NBAS: variants seen among roughly 807,000 people sequenced by gnomAD.
The protein encoded by NBAS is NAG/BC035112 fusion.
NBAS carries 219 observed loss-of-function variants against 302.5 expected under a neutral mutation model. That is an observed-to-expected ratio of 0.72 (90% confidence interval 0.65 to 0.81). The LOEUF (loss-of-function observed/expected upper bound fraction) is 0.81. Ranked by LOEUF, NBAS falls within the 30% of genes least tolerant of loss-of-function variation. NBAS has a pLI of 0.00. For synonymous variants in NBAS, 1,118 were observed against 1,021.6 expected (o/e 1.09, Z -1.80); for missense variants, 2,932 against 2,841.6 (o/e 1.03, Z -0.72).
At chr2:15,166,450 A>G (rs996428152), downstream of NBAS, among the ~76,000 whole-genome samples, 6 of 152,208 alleles carry the variant, frequency 3.9e-5, no homozygotes, top group Non-Finnish European at 8.8e-5. Context: ...CTGTGACACT[A>G]GTGAGTGGGA....
In NBAS at chr2:15,292,656, A is replaced by C. The variant is rs765027242; in HGVS notation, c.4908T>G (p.Asn1636Lys). ...CCTGAGTGAAATCCAGGAGACGTTC[A>C]TTGTAGCAGTGTAACTGCTTGGTCA... ...ISLTKQLHCY[N>K]ERLLDFTQAQ... Residue 1636 changes from asparagine (N) to lysine (K), a missense_variant, in exon 41 of 52, where the codon AAT (asparagine) becomes AAG (lysine). Coordinates refer to ENST00000281513, the MANE Select transcript of NBAS (RefSeq NM_015909.4). The C allele has an allele frequency of 1.9e-6, 3 of 1,614,232 alleles. No individual in the cohort carries two copies. The highest frequency in any genetic ancestry group is 2.5e-6 in the Non-Finnish European group (3 of 1,180,038).
intron 9 of NBAS, among the ~76,000 whole-genome samples, chr2:15,519,639 C>A (rs548796754): frequency 6.6e-6 from 1 of 152,162 alleles, no homozygotes; most frequent in East Asian, 1.9e-4. Context: ...AGACAGGGAT[C>A]TCCCTATGTA....
intron 12 of NBAS, among the ~76,000 whole-genome samples, chr2:15,479,073 CAT>C (rs550419676): frequency 2.2e-4 from 33 of 152,268 alleles, no homozygotes; most frequent in South Asian, 1.7e-3. Flanking sequence ...AAAATACACA[CAT>C]GTTTACTATC....
At chr2:15,122,930 C>G in the NBAS span, among the ~76,000 whole-genome samples, 1 of 149,102 alleles carries the variant, frequency 6.7e-6, no homozygotes, top group Non-Finnish European at 1.5e-5. Context: ...GCACTACATC[C>G]TAATGTGGTG....
chr2:14,877,356 G>A, the NBAS span, among the ~76,000 whole-genome samples: 1 of 152,154 alleles, frequency 6.6e-6, no homozygotes, highest in African/African-American at 2.4e-5. Context: ...ATCTAGTTCA[G>A]TATGTTTTCT....
chr2:14,824,020 G>A, the NBAS span, among the ~76,000 whole-genome samples: 1 of 152,194 alleles, frequency 6.6e-6, no homozygotes, highest in Admixed American at 6.5e-5. Context: ...GTGTCGAGAA[G>A]GGCAGGAGAA....
At chr2:15,018,497 T>G in the NBAS span, among the ~76,000 whole-genome samples, 1 of 152,038 alleles carries the variant, frequency 6.6e-6, no homozygotes, top group African/African-American at 2.4e-5. Flanking sequence ...TCCTAAACTT[T>G]ACTCAAATGG....
chr2:15,524,150 G>C (rs1315292503), intron 9 of NBAS, among the ~76,000 whole-genome samples: 1 of 152,144 alleles, frequency 6.6e-6, no homozygotes, highest in Non-Finnish European at 1.5e-5. Flanking sequence ...ACTACTCTCT[G>C]TGACACCACA....
Position 15,511,322 on chromosome 2 carries a change from C to T in NBAS, c.775G>A (p.Ala259Thr). The stretch of plus-strand genomic sequence containing the variant: ...GAAGCTTTTGACATGCCTACTTCAG[C>T]AGTTTCACATCCACCAACAAGTAAA... ...RLLLVGGCET[A>T]EVGMSKASSC... Residue 259 changes from alanine to threonine, a missense_variant, in exon 10 of 52, where the codon GCT (alanine) becomes ACT (threonine). By Grantham distance (58) the Ala-to-Thr change is moderately conservative. Coordinates refer to ENST00000281513, the MANE Select transcript of NBAS (RefSeq NM_015909.4). 1.2e-6 allele frequency: 2 copies of T among 1,614,042 alleles called. No homozygotes were observed. Among genetic ancestry groups the T allele is most frequent in the Non-Finnish European group, 1.7e-6 (2 of 1,179,962 alleles).
At chr2:15,443,950 T>C (rs1157969559) in intron 21 of NBAS, among the ~76,000 whole-genome samples, 2 of 151,812 alleles carry the variant, frequency 1.3e-5, no homozygotes, top group African/African-American at 2.4e-5. Context: ...TTACAAGGGA[T>C]GTGAAGGACC....
chr2:15,554,201 A>G, intron 3 of NBAS, 63 bp from the exon 4 acceptor site: 1 of 1,244,130 alleles, frequency 8.0e-7, no homozygotes, highest in Non-Finnish European at 1.2e-6. Flanking sequence ...TATGCAGACA[A>G]ATAGCACATA....
intron 47 of NBAS, among the ~76,000 whole-genome samples, chr2:15,219,201 A>G (rs1369122713): frequency 2.0e-5 from 3 of 152,230 alleles, no homozygotes; most frequent in Admixed American, 2.0e-4. Flanking sequence ...AATGAGTTAT[A>G]TAAAGCAGAT....
At chr2:15,220,415 G>A (rs1224077731) in intron 47 of NBAS, among the ~76,000 whole-genome samples, 3 of 152,210 alleles carry the variant, frequency 2.0e-5, no homozygotes, top group African/African-American at 4.8e-5. Context: ...TAATAGTGCT[G>A]TAGGACCCCA....
chr2:15,129,732 A>G, the NBAS span, among the ~76,000 whole-genome samples: 1 of 152,072 alleles, frequency 6.6e-6, no homozygotes, highest in Non-Finnish European at 1.5e-5. Flanking sequence ...GGTACATTTC[A>G]CCAGCAAAAC....
chr2:15,272,962 C>G (rs893050957), intron 44 of NBAS, among the ~76,000 whole-genome samples: 1 of 152,140 alleles, frequency 6.6e-6, no homozygotes, highest in Non-Finnish European at 1.5e-5. Flanking sequence ...ACAGCTAAAA[C>G]GCAAATGGAC....
At chr2:15,398,664 A>G (rs1675997498) in intron 26 of NBAS, among the ~76,000 whole-genome samples, 1 of 152,204 alleles carries the variant, frequency 6.6e-6, no homozygotes, top group South Asian at 2.1e-4. Context: ...ATAGTTTACC[A>G]CTTGATAAAT....
At chr2:15,008,689 A>G in the NBAS span, among the ~76,000 whole-genome samples, 5 of 152,190 alleles carry the variant, frequency 3.3e-5, no homozygotes, top group Admixed American at 3.3e-4. Flanking sequence ...CTCTCCTTAA[A>G]CTTATTTAAA....
the NBAS span, among the ~76,000 whole-genome samples, chr2:14,832,956 G>C: frequency 6.6e-6 from 1 of 152,108 alleles, no homozygotes; most frequent in Non-Finnish European, 1.5e-5. Context: ...GACTCCCATG[G>C]CACAGAAGAA....
chr2:14,922,020 G>A, the NBAS span, among the ~76,000 whole-genome samples: 1 of 152,166 alleles, frequency 6.6e-6, no homozygotes, highest in Non-Finnish European at 1.5e-5. Context: ...GCATCTGTGT[G>A]TTAAGAAATT....
Sources: gnomAD v4.1 joint callset for allele counts (sites outside exome capture counted in the v4.1 genomes callset) on GRCh38, gnomAD v4.1.1 for gene constraint, MANE v1.5 for transcripts, NCBI Gene and HGNC (gene_info 2026-07-23, HGNC 2026-07-21) for gene names.